TDRD1: variants seen among roughly 807,000 people sequenced by gnomAD.
TDRD1 encodes the protein tudor domain containing 1.
In TDRD1, 37 loss-of-function variants were observed where a neutral mutation model predicts 140.6. The observed-to-expected ratio is 0.26, with a 90% CI of 0.20 to 0.35. The LOEUF is 0.35. Ranked by LOEUF, TDRD1 falls within the 10% of genes least tolerant of loss-of-function variation. TDRD1 has a pLI of 1.00. For missense variants in TDRD1, 1,243 were observed against 1,393.0 expected, an observed-to-expected ratio of 0.89 and a Z score of 1.71; for synonymous variants, 506 against 475.7, an observed-to-expected ratio of 1.06 and a Z score of -0.83.
chr10:114,207,341 C>T (rs950319399), intron 11 of TDRD1, among the ~76,000 whole-genome samples: 2 of 152,150 alleles, frequency 1.3e-5, no homozygotes, highest in African/African-American at 2.4e-5. Context: ...AATTGGTTGC[C>T]AAGTCTTTAT....
In TDRD1 at chr10:114,208,602, G is replaced by C. The variant is rs2035278551; in HGVS notation, c.1385-1979G>C. 2.0e-5 allele frequency among the ~76,000 whole-genome samples: 3 copies of C among 152,168 alleles called. No individual in the cohort carries two copies. In the South Asian group the frequency reaches 6.2e-4, roughly 32 times the overall value. ...GCACTCAGCCTGGCATTATGATTGT[G>C]CACCCTCTTGTGCTATTTATGACAC... On this transcript the variant is annotated intron_variant, in intron 11 of 25. Transcript: ENST00000251864.
At chr10:114,189,791 T>C (rs531185917) in intron 2 of TDRD1, among the ~76,000 whole-genome samples, 26 of 152,304 alleles carry the variant, frequency 1.7e-4, no homozygotes, top group Middle Eastern at 3.4e-3. Flanking sequence ...CATAATGAAA[T>C]GTGTCAACAA....
intron 5 of TDRD1, 67 bp downstream of exon 5, chr10:114,201,582 A>G: frequency 7.3e-7 from 1 of 1,365,466 alleles, no homozygotes; most frequent in Non-Finnish European, 1.0e-6. Context: ...TAAGCGTCCA[A>G]TTAGTTAAGC....
chr10:114,203,598 C>T (rs774046039), intron 8 of TDRD1, 31 bp downstream of exon 8: 23 of 1,564,842 alleles, frequency 1.5e-5, no homozygotes, highest in African/African-American at 8.2e-5. Context: ...TTATTTAAAA[C>T]GTTTGAGCTA....
intron 23 of TDRD1, 47 bp from the exon 24 acceptor site, chr10:114,227,863 C>T (rs1249904557): frequency 1.3e-6 from 2 of 1,527,644 alleles, no homozygotes; most frequent in Non-Finnish European, 1.8e-6. Flanking sequence ...AGTTTTTCTT[C>T]TTTACATTAT....
upstream of TDRD1, among the ~76,000 whole-genome samples, chr10:114,178,649 C>T (rs1280154976): frequency 6.6e-6 from 1 of 152,128 alleles, no homozygotes; most frequent in Non-Finnish European, 1.5e-5. Flanking sequence ...AGTGAACAAA[C>T]GTGGCTTTTT....
At chr10:114,188,561 T>C (rs942505570) in intron 2 of TDRD1, among the ~76,000 whole-genome samples, 2 of 152,142 alleles carry the variant, frequency 1.3e-5, no homozygotes, top group African/African-American at 4.8e-5. Context: ...TAGTTCCCGT[T>C]CTAAAAACCT....
At position 114,203,267 on chromosome 10, in the gene TDRD1, A is replaced by C. The variant is rs892064625; in HGVS notation, c.801+91A>C. The stretch of plus-strand genomic sequence containing the variant: ...TTTTTGAGTTCATGCGGTAGCTACA[A>C]AACATAAACATTGCAAAAACTGCCT... On this transcript the variant is annotated intron_variant, in intron 7 of 25. Transcript: ENST00000251864. 4.7e-6 allele frequency: 7 copies of C among 1,479,598 alleles called. No homozygotes were observed. The Admixed American group carries it at 1.5e-4, about 31-fold the overall frequency. 91.7% of individuals were successfully genotyped at this position (1,479,598 alleles called of 1,614,324 possible). A position where few individuals can be genotyped will look rare whatever the true frequency, so the allele number is the denominator to read the frequency against.
chr10:114,213,434 G>A, exon 15 of TDRD1: 1 of 1,614,044 alleles, frequency 6.2e-7, no homozygotes, highest in Non-Finnish European at 8.5e-7. Flanking sequence ...CAGTGAAAGT[G>A]GTGGACAAGT....
At chr10:114,175,888 C>T (rs183576471), upstream of TDRD1, among the ~76,000 whole-genome samples, 31 of 152,202 alleles carry the variant, frequency 2.0e-4, no homozygotes, top group Admixed American at 1.8e-3. Flanking sequence ...CAAGTCATTA[C>T]AATCTGAGAA....
chr10:114,216,001 T>A (rs1395673864), intron 16 of TDRD1, among the ~76,000 whole-genome samples: 1 of 152,220 alleles, frequency 6.6e-6, no homozygotes, highest in Non-Finnish European at 1.5e-5. Flanking sequence ...GGATATCAGT[T>A]CACATACTGT....
chr10:114,178,180 C>G (rs1262291604), upstream of TDRD1, among the ~76,000 whole-genome samples: 1 of 151,902 alleles, frequency 6.6e-6, no homozygotes, highest in Non-Finnish European at 1.5e-5. Flanking sequence ...TCTGAAACTG[C>G]TCTAAAAAAT....
chr10:114,193,877 C>G (rs1163427062), intron 3 of TDRD1, among the ~76,000 whole-genome samples: 5 of 152,130 alleles, frequency 3.3e-5, no homozygotes, highest in Admixed American at 3.3e-4. Context: ...GAAGTTTTCT[C>G]TAGTCCTACT....
intron 11 of TDRD1, 33 bp from the exon 12 acceptor site, chr10:114,210,548 A>C: frequency 6.5e-7 from 1 of 1,537,474 alleles, no homozygotes; most frequent in Non-Finnish European, 8.8e-7. Context: ...GATGAAAACA[A>C]AATGGCTTAT....
At chr10:114,213,956 A>T in intron 15 of TDRD1, 21 bp from the exon 16 acceptor site, 1 of 1,613,446 alleles carries the variant, frequency 6.2e-7, no homozygotes, top group Non-Finnish European at 8.5e-7. Flanking sequence ...ATGTCCATTT[A>T]ATGTTTAATT....
intron 23 of TDRD1, 90 bp from the exon 24 acceptor site, chr10:114,227,820 G>A (rs1385680516): frequency 4.0e-6 from 4 of 995,484 alleles, no homozygotes; most frequent in Non-Finnish European, 6.3e-6. Context: ...CATGCGCAAG[G>A]GGGAGAGCTA....
At chr10:114,227,439 T>C (rs1472513833) in intron 23 of TDRD1, 140 bp downstream of exon 23, 9 of 684,818 alleles carry the variant, frequency 1.3e-5, no homozygotes, top group Non-Finnish European at 2.3e-5. Context: ...AGGGTTCTGA[T>C]TCCTGTGGCT....
chr10:114,215,539 T>C (rs1229430110), intron 16 of TDRD1, among the ~76,000 whole-genome samples: 1 of 152,322 alleles, frequency 6.6e-6, no homozygotes, highest in Non-Finnish European at 1.5e-5. Flanking sequence ...TGTTTTCTTT[T>C]TCATTTGAGC....
Position 114,217,490 on chromosome 10 carries a change from GTGT to G in TDRD1, c.2213-50_2213-48del, listed in dbSNP as rs1159986062. On this transcript the variant is annotated intron_variant, in intron 16 of 25. Transcript: ENST00000251864. Reference sequence around the variant, plus strand: ...GTTTTCTGACTTTAAAGGAAAATCTGTGTTGTTTATTTTTTAATATGTTCTTAA... The same window carrying G: ...GTTTTCTGACTTTAAAGGAAAATCTGTGTTTATTTTTTAATATGTTCTTAA... 6.1e-6 allele frequency: 6 copies of G among 976,672 alleles called. No homozygotes were observed. The East Asian group carries it at 1.3e-4, about 22-fold the overall frequency. 60.5% of individuals were successfully genotyped at this position (976,672 alleles called of 1,614,324 possible). A position where few individuals can be genotyped will look rare whatever the true frequency, so the allele number is the denominator to read the frequency against.
Sources: gnomAD v4.1 joint callset for allele counts (sites outside exome capture counted in the v4.1 genomes callset) on GRCh38, gnomAD v4.1.1 for gene constraint, MANE v1.5 for transcripts, NCBI Gene and HGNC (gene_info 2026-07-23, HGNC 2026-07-21) for gene names.